The following SATL1 variants were observed in gnomAD, a reference collection of about 807,000 sequenced individuals.
SATL1 encodes spermidine/spermine N1-acetyl transferase like 1, also known as spermidine/spermine N(1)-acetyltransferase-like protein 1.
A neutral mutation model predicts 51.8 loss-of-function variants in SATL1; 47 were observed. The ratio of observed to expected loss-of-function variants is 0.91; its 90% CI spans 0.72 to 1.16. SATL1 has a LOEUF of 1.16. Among genes scored for constraint, SATL1 ranks in the 50% most tolerant of loss-of-function variants. SATL1 has a pLI of 0.00. For synonymous variants in SATL1, 176 were observed against 182.4 expected (o/e 0.97, Z 0.28); for missense variants, 520 against 526.4 (o/e 0.99, Z 0.12).
chrX:85,155,223 T>C (rs958837491), intron 2 of SATL1, among the ~76,000 whole-genome samples: 5 of 111,472 alleles, frequency 4.5e-5, no homozygotes, highest in Non-Finnish European at 7.5e-5. Flanking sequence ...TTGACAGAGG[T>C]TGGAAACCCC....
intron 3 of SATL1, among the ~76,000 whole-genome samples, chrX:85,106,439 G>C (rs1925042662): frequency 8.9e-6 from 1 of 112,154 alleles, no homozygotes. Flanking sequence ...AACTTGGCCT[G>C]ATTTAGATAA....
At chrX:85,204,911 A>G in intron 2 of SATL1, among the ~76,000 whole-genome samples, 1 of 112,477 alleles carries the variant, frequency 8.9e-6, no homozygotes, top group Non-Finnish European at 1.9e-5. Context: ...TAAAGCTGAT[A>G]ATAGAAGCCA....
At chrX:85,150,485 T>A (rs1926396914) in intron 2 of SATL1, among the ~76,000 whole-genome samples, 1 of 106,422 alleles carries the variant, frequency 9.4e-6, no homozygotes, top group African/African-American at 3.6e-5. Flanking sequence ...ATCATCCTGA[T>A]ACCAAAGCCG....
In SATL1 at chrX:85,108,571, C is replaced by G. The variant is rs1257503839; in HGVS notation, c.398G>C (p.Gly133Ala). Residue 133 changes from glycine to alanine, a missense_variant, in exon 3 of 8, where the codon GGT (glycine) becomes GCT (alanine). Around this residue, in one of 3 missense-constraint regions of SATL1, gnomAD observed 488 missense variants for 474.3 expected, o/e 1.03. Coordinates refer to ENST00000644105, the MANE Select transcript of SATL1 (RefSeq NM_001367857.2). ...TTGCTGCATCACTGGTTGGCTCATA[C>G]CTGATTGGTTCGTGCCTATTTGCCT... is the stretch of plus-strand genomic sequence containing the variant. ...RMRQIGTNQS[G>A]MSQPVMQQLD... is the part of the protein sequence containing the mutation. 6.6e-6 allele frequency: 8 copies of G among 1,207,409 alleles called. 1 individual carries two copies. The South Asian group carries it at 1.4e-4, about 21-fold the overall frequency.
intron 3 of SATL1, among the ~76,000 whole-genome samples, chrX:85,105,983 T>C (rs1380124950): frequency 1.8e-5 from 2 of 112,049 alleles, no homozygotes; most frequent in East Asian, 2.8e-4. Context: ...GATAGTTTCA[T>C]TGAAATGGGG....
chrX:85,228,882 T>C (rs1201121209), intron 1 of SATL1, among the ~76,000 whole-genome samples: 1 of 111,723 alleles, frequency 9.0e-6, no homozygotes, highest in Non-Finnish European at 1.9e-5. Flanking sequence ...ATTTCAATCC[T>C]GGACTTCTCC....
Position 85,180,026 on chromosome X carries a change from A to T in SATL1, c.-313+44179T>A, listed in dbSNP as rs1288029414. Among the ~76,000 whole-genome samples, 11 of 110,895 alleles carry T rather than the reference A, an allele frequency of 9.9e-5. No individual in the cohort carries two copies. The Admixed American group carries it at 1.1e-3, about 11-fold the overall frequency. On this transcript the variant is annotated intron_variant, in intron 2 of 7. Coordinates refer to ENST00000644105, the MANE Select transcript of SATL1 (RefSeq NM_001367857.2). The stretch of plus-strand genomic sequence containing the variant: ...ATTTAATCCTCACAATATCCTCAAA[A>T]CTCATTTAATCCTCACAACATCCTC...
chrX:85,171,930 A>G (rs1277327671), intron 2 of SATL1, among the ~76,000 whole-genome samples: 1 of 111,706 alleles, frequency 9.0e-6, no homozygotes, highest in African/African-American at 3.2e-5. Context: ...GACAACGTCT[A>G]GTAGTGCCAT....
At chrX:85,202,535 C>A (rs972373685) in intron 2 of SATL1, among the ~76,000 whole-genome samples, 5 of 111,833 alleles carry the variant, frequency 4.5e-5, no homozygotes, top group Non-Finnish European at 9.4e-5. Context: ...CTAGGCACTG[C>A]AGCTCTGGGG....
At chrX:85,125,750 A>G (rs1285758790) in intron 2 of SATL1, among the ~76,000 whole-genome samples, 1 of 109,663 alleles carries the variant, frequency 9.1e-6, no homozygotes, top group Non-Finnish European at 1.9e-5. Context: ...TTAAATATAT[A>G]TATATATAGC....
At chrX:85,235,602 G>A (rs1437742192) in intron 1 of SATL1, among the ~76,000 whole-genome samples, 1 of 110,780 alleles carries the variant, frequency 9.0e-6, no homozygotes, top group Admixed American at 9.6e-5. Context: ...GGGCAACAAA[G>A]AAATGAAGAA....
At chrX:85,113,944 A>T (rs1314622032) in intron 2 of SATL1, among the ~76,000 whole-genome samples, 1 of 111,376 alleles carries the variant, frequency 9.0e-6, no homozygotes, top group Non-Finnish European at 1.9e-5. Flanking sequence ...CAGGTTAGTA[A>T]CCATGTACAG....
chrX:85,176,304 T>A (rs1274353193), intron 2 of SATL1, among the ~76,000 whole-genome samples: 1 of 111,854 alleles, frequency 8.9e-6, no homozygotes, highest in African/African-American at 3.2e-5. Context: ...GAAAAAGCAG[T>A]ATGGCAATTA....
chrX:85,241,915 C>G (rs1569253318), intron 1 of SATL1, among the ~76,000 whole-genome samples: 1 of 111,657 alleles, frequency 9.0e-6, no homozygotes, highest in African/African-American at 3.3e-5. Flanking sequence ...ATATATTTTT[C>G]TGATTTTGTC....
chrX:85,131,624 A>C (rs980357576), intron 2 of SATL1, among the ~76,000 whole-genome samples: 1 of 111,553 alleles, frequency 9.0e-6, no homozygotes, highest in Non-Finnish European at 1.9e-5. Flanking sequence ...TGTGTCTTTT[A>C]ATTGGAGCAT....
At chrX:85,124,077 A>T (rs1925566626) in intron 2 of SATL1, among the ~76,000 whole-genome samples, 1 of 112,037 alleles carries the variant, frequency 8.9e-6, no homozygotes, top group South Asian at 3.7e-4. Flanking sequence ...TGACTCCATG[A>T]TTTATAAATA....
chrX:85,182,044 C>A (rs780359726), intron 2 of SATL1, among the ~76,000 whole-genome samples: 59 of 110,307 alleles, frequency 5.3e-4, no homozygotes, highest in Non-Finnish European at 9.1e-4. Context: ...TTAATCAGAT[C>A]AGGGTAATTA....
At chrX:85,191,177 C>G (rs763499873) in intron 2 of SATL1, among the ~76,000 whole-genome samples, 1 of 110,871 alleles carries the variant, frequency 9.0e-6, no homozygotes, top group Non-Finnish European at 1.9e-5. Flanking sequence ...ATCATGCATT[C>G]TAGAAGGCAA....
At chrX:85,217,856 C>G (rs1440614674) in intron 2 of SATL1, among the ~76,000 whole-genome samples, 1 of 111,917 alleles carries the variant, frequency 8.9e-6, no homozygotes, top group Non-Finnish European at 1.9e-5. Context: ...CTTCTAATCT[C>G]TAATCAGAGG....
Sources: gnomAD v4.1 joint callset for allele counts (sites outside exome capture counted in the v4.1 genomes callset) on GRCh38, gnomAD v4.1.1 for gene constraint, gnomAD v4.1.1 regional missense constraint, MANE v1.5 for transcripts, NCBI Gene and HGNC (gene_info 2026-07-23, HGNC 2026-07-21) for gene names.